Variants in NVL observed in about 807,000 individuals in gnomAD.
NVL encodes nuclear VCP like.
A neutral mutation model predicts 110.2 loss-of-function variants in NVL; 84 were observed. That is an observed-to-expected ratio of 0.76 (90% CI 0.64 to 0.91). The LOEUF (loss-of-function observed/expected upper bound fraction) is 0.91, where lower values mean the gene tolerates loss of function less well. NVL is among the 40% of genes least tolerant of loss of function. The pLI is 0.00. For missense variants in NVL, 882 were observed against 1,035.9 expected, an observed-to-expected ratio of 0.85 and a Z score of 2.04; for synonymous variants, 354 against 361.1, an observed-to-expected ratio of 0.98 and a Z score of 0.22.
At chr1:224,328,282 G>A (rs1371317679) in intron 1 of NVL, among the ~76,000 whole-genome samples, 3 of 152,192 alleles carry the variant, frequency 2.0e-5, no homozygotes, top group African/African-American at 4.8e-5. Context: ...CACTTTGGGA[G>A]GCTGAGGCGG....
intron 21 of NVL, chr1:224,232,965 C>T: frequency 8.0e-6 from 3 of 374,450 alleles, no homozygotes; most frequent in Non-Finnish European, 1.4e-5. Flanking sequence ...GCGAATGGAT[C>T]CATTTGCCTA....
intron 19 of NVL, among the ~76,000 whole-genome samples, chr1:224,249,343 TTGAACTCCTGAGGTCAAAG>T (rs1662208122): frequency 6.6e-6 from 1 of 152,286 alleles, no homozygotes; most frequent in South Asian, 2.1e-4. Flanking sequence ...CAGGCTGATC[TTGAACTCCTGAGGTCAAAG>T]CAATCCACCT....
intron 21 of NVL, among the ~76,000 whole-genome samples, chr1:224,232,652 A>T (rs1660030561): frequency 1.3e-5 from 2 of 152,120 alleles, no homozygotes. Context: ...GAGTCACCAC[A>T]CCCAGCAGAC....
chr1:224,311,004 A>G (rs1021598947), intron 5 of NVL, among the ~76,000 whole-genome samples: 1 of 152,116 alleles, frequency 6.6e-6, no homozygotes, highest in Admixed American at 6.6e-5. Context: ...AAGTGCTGGG[A>G]TTACAGACGT....
Position 224,273,048 on chromosome 1 carries a change from A to C in NVL, c.2082+2291T>G, listed in dbSNP as rs1262029591. Reference sequence around the variant, plus strand: ...GACTCCGTCTCAAAAAAAAACAAAAAAAACAAACAAACAAAAAAAAACACA... The same window carrying C: ...GACTCCGTCTCAAAAAAAAACAAAACAAACAAACAAACAAAAAAAAACACA... On this transcript the variant is annotated intron_variant, in intron 17 of 22. Coordinates refer to ENST00000281701, the MANE Select transcript of NVL (RefSeq NM_002533.4). Among the ~76,000 whole-genome samples, 34 of 139,072 alleles carry C rather than the reference A, an allele frequency of 2.4e-4. 1 individual carries two copies. The highest frequency in any genetic ancestry group is 8.3e-4 in the African/African-American group (30 of 36,230). 91.2% of individuals were successfully genotyped at this position (139,072 alleles called of 152,430 possible).
At chr1:224,242,545 G>A (rs901136625) in intron 19 of NVL, among the ~76,000 whole-genome samples, 19 of 142,908 alleles carry the variant, frequency 1.3e-4, no homozygotes, top group Non-Finnish European at 2.7e-4. Context: ...GTGCAGTGGC[G>A]TGATCTCACT....
Position 224,289,470 on chromosome 1 carries a change from T to C in NVL, c.1575+14A>G, listed in dbSNP as rs1313478411. 2 of 1,613,354 alleles carry C rather than the reference T, an allele frequency of 1.2e-6. No individual in the cohort carries two copies. The highest frequency in any genetic ancestry group is 4.5e-5 in the East Asian group (2 of 44,898). On this transcript the variant is annotated intron_variant, in intron 13 of 22. Transcript: ENST00000281701. ...CATTAAAAGGACAATTTAAGGTGCCTTTAGAGAAAGCACCTGTGTTTCAGA... is the reference window on the plus strand; with the variant it reads ...CATTAAAAGGACAATTTAAGGTGCCCTTAGAGAAAGCACCTGTGTTTCAGA...
At chr1:224,265,271 G>A (rs1441878908) in intron 18 of NVL, among the ~76,000 whole-genome samples, 1 of 151,952 alleles carries the variant, frequency 6.6e-6, no homozygotes, top group African/African-American at 2.4e-5. Flanking sequence ...TTGGGAGGCC[G>A]AGGAAGGCAG....
At position 224,244,633 on chromosome 1, in the gene NVL, G is replaced by A. The variant is rs574540270; in HGVS notation, c.2289+5579C>T. 3.3e-3 allele frequency among the ~76,000 whole-genome samples: 469 copies of A among 143,566 alleles called. 2 individuals are homozygous for A. Among genetic ancestry groups the A allele is most frequent in the African/African-American group, 0.011 (425 of 38,608 alleles). 94.2% of individuals were successfully genotyped at this position (143,566 alleles called of 152,430 possible). A position where few individuals can be genotyped will look rare whatever the true frequency, so the allele number is the denominator to read the frequency against. On this transcript the variant is annotated intron_variant, in intron 19 of 22. Transcript: ENST00000281701. Reference sequence around the variant, plus strand: ...ACTACAGGCGCATGCCACCACGCCCGGCTAATTTTTGTATTTTTAGTAGAG... The same window carrying A: ...ACTACAGGCGCATGCCACCACGCCCAGCTAATTTTTGTATTTTTAGTAGAG...
rs377115829 is a variant in NVL, at chr1:224,250,497, T to C, written c.2183-179A>G. ...CTCCCACCTCAGCCTCCTGAGTAGC[T>C]AAGACTATAGATGCATGCTATCATG... On this transcript the variant is annotated intron_variant, in intron 18 of 22. Coordinates refer to ENST00000281701, the MANE Select transcript of NVL (RefSeq NM_002533.4). Among the ~76,000 whole-genome samples, 19 of 152,302 alleles carry C rather than the reference T, an allele frequency of 1.2e-4. No homozygotes were observed. In the East Asian group the frequency reaches 3.5e-3, roughly 28 times the overall value.
rs545116261 is a variant in NVL at position 224,304,237 on chromosome 1, C to T, written c.826-380G>A. ...GTCAGGAGATCAAGACCATCCTGGC[C>T]AACATGGTGAAGCCCTGTCTCTACT... On this transcript the variant is annotated intron_variant, in intron 8 of 22. Transcript: ENST00000281701. 4.5e-4 allele frequency among the ~76,000 whole-genome samples: 68 copies of T among 152,096 alleles called. 1 individual carries two copies. The South Asian group carries it at 5.8e-3, about 13-fold the overall frequency.
intron 18 of NVL, among the ~76,000 whole-genome samples, chr1:224,254,192 A>G (rs1027601115): frequency 2.0e-5 from 3 of 151,856 alleles, no homozygotes; most frequent in African/African-American, 7.3e-5. Context: ...CCCGGGTTCA[A>G]GTTCATTCTC....
chr1:224,289,937 GCTT>G (rs1558312075), intron 12 of NVL, among the ~76,000 whole-genome samples: 3 of 152,290 alleles, frequency 2.0e-5, no homozygotes, highest in Middle Eastern at 6.8e-3. Flanking sequence ...GTAAATATCT[GCTT>G]TGTTAGGAAA....
intron 4 of NVL, among the ~76,000 whole-genome samples, chr1:224,313,754 G>C (rs1046882541): frequency 6.6e-6 from 1 of 152,174 alleles, no homozygotes; most frequent in Non-Finnish European, 1.5e-5. Context: ...TGTAACCCCA[G>C]CACTTTGGGA....
rs750385827 is a variant in NVL, at chr1:224,227,652, G to T, written c.2545C>A (p.Arg849Ser). 1 of 1,611,154 alleles carries T rather than the reference G, an allele frequency of 6.2e-7. No individual in the cohort carries two copies. Among genetic ancestry groups the T allele is most frequent in the African/African-American group, 1.3e-5 (1 of 74,784 alleles). Residue 849 changes from arginine to serine, a missense_variant, in exon 23 of 23, where the codon CGT (arginine) becomes AGT (serine). Physicochemically the swap from Arg to Ser is moderately radical, Grantham distance 110 (BLOSUM62 -1). This residue lies in a region of NVL where 126 missense variants were observed against 140.7 expected (regional missense o/e 0.90). Transcript: ENST00000281701. ...CACCGGCTGAGGGACTCCTGCAAAC[G>T]TTCATACATGATTTGATCCTGAAAG... is the stretch of plus-strand genomic sequence containing the variant. ...ISKKDQIMYE[R>S]LQESLSR
intron 19 of NVL, among the ~76,000 whole-genome samples, chr1:224,239,570 A>G (rs923824794): frequency 2.0e-5 from 3 of 152,070 alleles, no homozygotes; most frequent in Non-Finnish European, 4.4e-5. Flanking sequence ...CCCTAAGGAC[A>G]CTCCGCGTGC....
intron 22 of NVL, among the ~76,000 whole-genome samples, chr1:224,230,124 G>A (rs541620395): frequency 7.9e-5 from 12 of 152,264 alleles, no homozygotes; most frequent in Admixed American, 7.2e-4. Context: ...AAGCCCCTGT[G>A]CCCAGCTCCA....
intron 18 of NVL, among the ~76,000 whole-genome samples, chr1:224,253,345 CA>C (rs1258505032): frequency 1.3e-5 from 2 of 151,908 alleles, no homozygotes; most frequent in Non-Finnish European, 2.9e-5. Flanking sequence ...CCACGGCTCC[CA>C]GGCTGTATAT....
At chr1:224,272,725 CAAACAAAACAAA>C (rs1312945698) in intron 17 of NVL, among the ~76,000 whole-genome samples, 3 of 148,456 alleles carry the variant, frequency 2.0e-5, no homozygotes, top group African/African-American at 7.5e-5. Context: ...TCAAAACAAA[CAAACAAAACAAA>C]AAACAAAACA....
Sources: gnomAD v4.1 joint callset for allele counts (sites outside exome capture counted in the v4.1 genomes callset) on GRCh38, gnomAD v4.1.1 for gene constraint, gnomAD v4.1.1 regional missense constraint, MANE v1.5 for transcripts, NCBI Gene and HGNC (gene_info 2026-07-23, HGNC 2026-07-21) for gene names.